Variants in AVL9 observed in about 807,000 individuals in gnomAD.
AVL9 encodes the protein late secretory pathway protein AVL9 homolog.
A neutral mutation model predicts 79.2 loss-of-function variants in AVL9; 49 were observed. The observed-to-expected ratio is 0.62, with a 90% CI of 0.49 to 0.79. AVL9 has a LOEUF of 0.79. Ranked by LOEUF, AVL9 falls within the 30% of genes least tolerant of loss-of-function variation. AVL9 has a pLI of 0.00. For synonymous variants in AVL9, 299 were observed against 280.6 expected (o/e 1.07, Z -0.65); for missense variants, 682 against 776.8 (o/e 0.88, Z 1.45).
chr7:32,532,909 C>G (rs1207901533), intron 1 of AVL9: 1 of 152,302 alleles, frequency 6.6e-6, no homozygotes, highest in Non-Finnish European at 1.5e-5. Context: ...GTCCCAGCTA[C>G]TCAGGCTGAA....
intron 6 of AVL9, among the ~76,000 whole-genome samples, chr7:32,552,783 T>C (rs1475812449): frequency 6.6e-6 from 1 of 152,174 alleles, no homozygotes; most frequent in Non-Finnish European, 1.5e-5. Flanking sequence ...CAGGCTGGAA[T>C]TTCTACCTTC....
rs70992721 is a variant in AVL9 at position 32,502,392 on chromosome 7, CAAA to C, written c.93+6605_93+6607del. On this transcript the variant is annotated intron_variant, in intron 1 of 15. Transcript: ENST00000318709. ...TGGGTGAGAGAGTAAAACCCTTTCT[CAAA>C]AAAAAAAAAAAAAAGAAAGAAAAGG... Among the ~76,000 whole-genome samples the C allele has an allele frequency of 1.9e-4, 22 of 114,352 alleles. 1 individual carries two copies. Among genetic ancestry groups the C allele is most frequent in the African/African-American group, 5.6e-4 (17 of 30,348 alleles). 75.0% of individuals were successfully genotyped at this position (114,352 alleles called of 152,430 possible). A position where few individuals can be genotyped will look rare whatever the true frequency, so the allele number is the denominator to read the frequency against.
Position 32,522,017 on chromosome 7 carries a change from G to T in AVL9, c.94-21124G>T, listed in dbSNP as rs1788178827. Among the ~76,000 whole-genome samples, 3 of 152,192 alleles carry T rather than the reference G, an allele frequency of 2.0e-5. No individual in the cohort carries two copies. The South Asian group carries it at 6.2e-4, about 31-fold the overall frequency. ...CACAGAAGTCAAAGAATTGAGGTTT[G>T]GGAACCTCTACCTAGATTTCAGATG... On this transcript the variant is annotated intron_variant, in intron 1 of 15. Coordinates refer to ENST00000318709, the MANE Select transcript of AVL9 (RefSeq NM_015060.3).
chr7:32,540,036 A>T (rs702830), intron 1 of AVL9, among the ~76,000 whole-genome samples: 54,280 of 152,016 alleles, frequency 0.36, 10,190 homozygotes, highest in African/African-American at 0.46. Context: ...AAGGTAACAA[A>T]TAGAGTCCGG....
chr7:32,522,770 A>G (rs1484594107), intron 1 of AVL9, among the ~76,000 whole-genome samples: 1 of 152,074 alleles, frequency 6.6e-6, no homozygotes, highest in African/African-American at 2.4e-5. Context: ...TCTCAACTCG[A>G]ATTATATCTC....
rs763972855 is a variant in AVL9 at position 32,552,220 on chromosome 7, A to G, written c.463-9A>G. On this transcript the variant is annotated splice_polypyrimidine_tract_variant and intron_variant, in intron 5 of 15. Transcript: ENST00000318709. ...GTAAAATGTGCTAAATTCAATCTAT[A>G]TTTTATAGGAGCTTTATGAACATAT... 7 of 1,539,606 alleles carry G rather than the reference A, an allele frequency of 4.5e-6. No individual in the cohort carries two copies. The South Asian group carries it at 6.8e-5, about 15-fold the overall frequency.
chr7:32,558,077 A>G (rs1778742118), intron 8 of AVL9, among the ~76,000 whole-genome samples: 1 of 150,080 alleles, frequency 6.7e-6, no homozygotes, highest in Admixed American at 6.7e-5. Flanking sequence ...GCTGGTCTCG[A>G]TCTCCTGACC....
intron 11 of AVL9, among the ~76,000 whole-genome samples, chr7:32,570,492 T>A (rs1464866375): frequency 6.6e-6 from 1 of 152,224 alleles, no homozygotes; most frequent in Non-Finnish European, 1.5e-5. Context: ...GTGTTTGTTG[T>A]TTAAGTAATT....
At chr7:32,497,654 T>G (rs1270525728) in intron 1 of AVL9, among the ~76,000 whole-genome samples, 1 of 54,568 alleles carries the variant, frequency 1.8e-5, no homozygotes, top group Non-Finnish European at 5.4e-5. Flanking sequence ...CCATTAGTTC[T>G]TTTTTTTTTT....
At chr7:32,502,418 AG>A (rs1787181813) in intron 1 of AVL9, among the ~76,000 whole-genome samples, 1 of 148,210 alleles carries the variant, frequency 6.7e-6, no homozygotes. Flanking sequence ...AAGAAAGAAA[AG>A]GTATCAAACC....
chr7:32,511,012 A>G (rs1157459312), intron 1 of AVL9, among the ~76,000 whole-genome samples: 15 of 95,290 alleles, frequency 1.6e-4, no homozygotes, highest in Non-Finnish European at 1.9e-4. Flanking sequence ...TATGAGGGAA[A>G]CCATCTCCCC....
chr7:32,538,271 G>C (rs917991058), intron 1 of AVL9: 1 of 152,182 alleles, frequency 6.6e-6, no homozygotes, highest in Non-Finnish European at 1.5e-5. Context: ...AAGATTATAG[G>C]ATGGAAATAA....
intron 1 of AVL9, among the ~76,000 whole-genome samples, chr7:32,499,298 A>G (rs1249500009): frequency 2.6e-5 from 4 of 151,962 alleles, no homozygotes; most frequent in South Asian, 2.1e-4. Context: ...TATAAATTAT[A>G]CTTGTCGGAC....
At chr7:32,578,490 T>G (rs1008196170) in intron 13 of AVL9, among the ~76,000 whole-genome samples, 1 of 152,150 alleles carries the variant, frequency 6.6e-6, no homozygotes, top group African/African-American at 2.4e-5. Flanking sequence ...AATAGCAAAT[T>G]TTCAACATTT....
chr7:32,498,096 C>G (rs1159208903), intron 1 of AVL9, among the ~76,000 whole-genome samples: 1 of 152,228 alleles, frequency 6.6e-6, no homozygotes, highest in Non-Finnish European at 1.5e-5. Context: ...CTTGGTTAAG[C>G]ATGATAACTT....
At chr7:32,546,681 G>A (rs907660846) in intron 3 of AVL9, among the ~76,000 whole-genome samples, 54 of 152,010 alleles carry the variant, frequency 3.6e-4, no homozygotes, top group African/African-American at 1.3e-3. Flanking sequence ...AAATTAGCCA[G>A]GTGTGGCAGC....
intron 8 of AVL9, among the ~76,000 whole-genome samples, chr7:32,556,875 T>G (rs1583571260): frequency 6.6e-6 from 1 of 151,994 alleles, no homozygotes; most frequent in South Asian, 2.1e-4. Flanking sequence ...AAGCAATTCT[T>G]CCACCTCAGC....
At chr7:32,505,460 T>C (rs1017882837) in intron 1 of AVL9, among the ~76,000 whole-genome samples, 8 of 151,342 alleles carry the variant, frequency 5.3e-5, no homozygotes, top group Non-Finnish European at 7.4e-5. Context: ...AAGGCGGAGG[T>C]TGCAGTGAGC....
intron 1 of AVL9, among the ~76,000 whole-genome samples, chr7:32,542,415 G>A (rs944188511): frequency 4.6e-5 from 7 of 150,900 alleles, no homozygotes; most frequent in Admixed American, 4.6e-4. Flanking sequence ...AATTAGCCGA[G>A]CGTGGTGGCA....
Sources: gnomAD v4.1 joint callset for allele counts (sites outside exome capture counted in the v4.1 genomes callset) on GRCh38, gnomAD v4.1.1 for gene constraint, MANE v1.5 for transcripts, NCBI Gene and HGNC (gene_info 2026-07-23, HGNC 2026-07-21) for gene names.